CLSTN2: variants seen among roughly 807,000 people sequenced by gnomAD.
The protein encoded by CLSTN2 is calsyntenin 2.
Under a neutral mutation model 101.2 loss-of-function variants are expected in CLSTN2, and 48 were observed. The observed-to-expected ratio is 0.47, with a 90% CI of 0.38 to 0.60. CLSTN2 has a LOEUF of 0.60. Ranked by LOEUF, CLSTN2 falls within the 20% of genes least tolerant of loss-of-function variation. The pLI is 0.00. For missense variants in CLSTN2, 1,160 were observed against 1,238.2 expected (o/e 0.94, Z 0.95); for synonymous variants, 481 against 463.6 (o/e 1.04, Z -0.48).
At chr3:140,099,519 T>C (rs1373683603) in intron 1 of CLSTN2, among the ~76,000 whole-genome samples, 1 of 152,158 alleles carries the variant, frequency 6.6e-6, no homozygotes, top group African/African-American at 2.4e-5. Context: ...AAAATACATC[T>C]GCAGAGACCC....
chr3:139,957,750 A>T (rs1935436094), intron 1 of CLSTN2, among the ~76,000 whole-genome samples: 1 of 152,182 alleles, frequency 6.6e-6, no homozygotes, highest in Non-Finnish European at 1.5e-5. Flanking sequence ...GCCCTAAGTC[A>T]GCAGAGGACA....
At position 140,562,020 on chromosome 3, in the gene CLSTN2, C is replaced by T. The variant is rs569341948; in HGVS notation, c.2042-118C>T. On this transcript the variant is annotated intron_variant, in intron 12 of 16. Coordinates refer to ENST00000458420, the MANE Select transcript of CLSTN2 (RefSeq NM_022131.3). ...GATGTGGTATTTGGGATCACACAGA[C>T]TCTGCTCCTGACCCAGCCTTAACCT... 59 of 821,660 alleles carry T rather than the reference C, an allele frequency of 7.2e-5. No homozygotes were observed. The African/African-American group carries it at 8.8e-4, about 12-fold the overall frequency. The allele number at this position is 821,660 out of a possible 1,614,324, so 50.9% of individuals were successfully genotyped here. A position where few individuals can be genotyped will look rare whatever the true frequency, so the allele number is the denominator to read the frequency against.
intron 2 of CLSTN2, among the ~76,000 whole-genome samples, chr3:140,389,328 C>T (rs1486830354): frequency 1.3e-5 from 2 of 152,122 alleles, no homozygotes; most frequent in African/African-American, 4.8e-5. Context: ...GTGTTGTTCC[C>T]CTCCCCATGT....
intron 2 of CLSTN2, among the ~76,000 whole-genome samples, chr3:140,378,167 G>A (rs185015526): frequency 7.3e-4 from 111 of 152,288 alleles, no homozygotes; most frequent in Non-Finnish European, 1.3e-3. Flanking sequence ...TCCACTTTAT[G>A]ATATTTGCTC....
chr3:140,181,158 A>G (rs757702804), intron 2 of CLSTN2, among the ~76,000 whole-genome samples: 2 of 152,222 alleles, frequency 1.3e-5, no homozygotes, highest in African/African-American at 4.8e-5. Flanking sequence ...AAGTCACTGA[A>G]CTACTCTGAG....
intron 2 of CLSTN2, among the ~76,000 whole-genome samples, chr3:140,328,601 A>C (rs1381218544): frequency 6.6e-6 from 1 of 152,164 alleles, no homozygotes; most frequent in Non-Finnish European, 1.5e-5. Flanking sequence ...CTTGTAGGCA[A>C]GGCCGCTCTG....
At chr3:140,400,193 T>G (rs546975054) in intron 2 of CLSTN2, among the ~76,000 whole-genome samples, 1 of 152,180 alleles carries the variant, frequency 6.6e-6, no homozygotes, top group Admixed American at 6.5e-5. Flanking sequence ...TCCTACTTAG[T>G]CAGTTGAAGA....
At chr3:140,457,373 C>T (rs772157014) in intron 6 of CLSTN2, among the ~76,000 whole-genome samples, 1 of 152,220 alleles carries the variant, frequency 6.6e-6, no homozygotes, top group African/African-American at 2.4e-5. Context: ...TCAGACCCAA[C>T]TTAATAGGTC....
At chr3:140,302,948 C>T (rs1288475429) in intron 2 of CLSTN2, among the ~76,000 whole-genome samples, 1 of 152,148 alleles carries the variant, frequency 6.6e-6, no homozygotes, top group East Asian at 1.9e-4. Flanking sequence ...ACTGTGATTC[C>T]TCCGCCATTG....
chr3:140,278,010 A>T (rs2086810858), intron 2 of CLSTN2, among the ~76,000 whole-genome samples: 1 of 152,158 alleles, frequency 6.6e-6, no homozygotes, highest in Non-Finnish European at 1.5e-5. Flanking sequence ...CTCCTTAAAG[A>T]CCGGCTGTCA....
intron 9 of CLSTN2, among the ~76,000 whole-genome samples, chr3:140,543,896 G>T (rs1235826905): frequency 3.3e-5 from 5 of 152,268 alleles, no homozygotes. Flanking sequence ...CTTCATCCTG[G>T]GTCCCAGGTC....
chr3:140,526,207 C>T (rs372293802), intron 8 of CLSTN2, among the ~76,000 whole-genome samples: 21 of 151,764 alleles, frequency 1.4e-4, no homozygotes, highest in African/African-American at 4.8e-4. Context: ...GCTCCTGAAA[C>T]TGATAAAGTT....
intron 1 of CLSTN2, among the ~76,000 whole-genome samples, chr3:140,110,447 G>T (rs989623744): frequency 6.6e-6 from 1 of 152,166 alleles, no homozygotes; most frequent in East Asian, 1.9e-4. Context: ...ATTGAATAAA[G>T]AAATTAATTT....
intron 2 of CLSTN2, among the ~76,000 whole-genome samples, chr3:140,300,190 G>A (rs2087044761): frequency 6.6e-6 from 1 of 152,172 alleles, no homozygotes; most frequent in Non-Finnish European, 1.5e-5. Context: ...TAACTCAAGG[G>A]ATTTTATGCA....
intron 1 of CLSTN2, among the ~76,000 whole-genome samples, chr3:140,012,032 G>T (rs1576396359): frequency 6.6e-6 from 1 of 152,156 alleles, no homozygotes; most frequent in Admixed American, 6.5e-5. Flanking sequence ...AGAAGGCAAA[G>T]CTGACTGTGG....
At chr3:140,486,847 A>G (rs1934250855) in intron 8 of CLSTN2, among the ~76,000 whole-genome samples, 1 of 152,212 alleles carries the variant, frequency 6.6e-6, no homozygotes, top group Non-Finnish European at 1.5e-5. Context: ...ACATGTCCAG[A>G]GTTGCTTATT....
chr3:140,491,926 G>A (rs929025852), intron 8 of CLSTN2, among the ~76,000 whole-genome samples: 27 of 152,124 alleles, frequency 1.8e-4, no homozygotes, highest in Admixed American at 5.9e-4. Flanking sequence ...TCCTTTGGGA[G>A]ACTCCTACCT....
intron 2 of CLSTN2, among the ~76,000 whole-genome samples, chr3:140,325,717 GT>G (rs199656736): frequency 0.016 from 2,369 of 152,236 alleles, 53 homozygotes; most frequent in African/African-American, 0.054. Context: ...CATTCCACAA[GT>G]TACTTCCTCC....
chr3:139,996,485 G>C (rs1280960739), intron 1 of CLSTN2, among the ~76,000 whole-genome samples: 1 of 151,684 alleles, frequency 6.6e-6, no homozygotes, highest in African/African-American at 2.4e-5. Context: ...TGCCTCCCGG[G>C]TTCATGCCAT....
Sources: gnomAD v4.1 joint callset for allele counts (sites outside exome capture counted in the v4.1 genomes callset) on GRCh38, gnomAD v4.1.1 for gene constraint, MANE v1.5 for transcripts, NCBI Gene and HGNC (gene_info 2026-07-23, HGNC 2026-07-21) for gene names.